Variants in TNRC6B observed in about 807,000 individuals in gnomAD.
TNRC6B encodes the protein trinucleotide repeat containing adaptor 6B.
In TNRC6B, 52 loss-of-function variants were observed where a neutral mutation model predicts 203.6. The observed-to-expected ratio is 0.26, with a 90% confidence interval of 0.20 to 0.32. The LOEUF is 0.32. Ranked by LOEUF, TNRC6B falls within the 10% of genes least tolerant of loss-of-function variation. TNRC6B has a pLI of 1.00. For synonymous variants in TNRC6B, 838 were observed against 845.7 expected, an observed-to-expected ratio of 0.99 and a Z score of 0.16; for missense variants, 1,923 against 2,286.2, an observed-to-expected ratio of 0.84 and a Z score of 3.24.
At chr22:40,165,518 A>T (rs960461293) in intron 4 of TNRC6B, among the ~76,000 whole-genome samples, 3 of 152,210 alleles carry the variant, frequency 2.0e-5, no homozygotes. Context: ...GTTCCAACAG[A>T]CCTGATTTTA....
chr22:40,057,454 C>T (rs953513061), intron 1 of TNRC6B, among the ~76,000 whole-genome samples: 3 of 151,836 alleles, frequency 2.0e-5, no homozygotes, highest in South Asian at 2.1e-4. Context: ...CCACCACGCC[C>T]GGCTAATTTT....
At chr22:40,314,959 A>C (rs1387864710) in intron 19 of TNRC6B, among the ~76,000 whole-genome samples, 2 of 152,212 alleles carry the variant, frequency 1.3e-5, no homozygotes, top group African/African-American at 4.8e-5. Context: ...AGAAGCTGGT[A>C]TCTTTAGGAA....
At chr22:40,238,037 C>G (rs1211420273) in intron 1 of TNRC6B, among the ~76,000 whole-genome samples, 1 of 152,124 alleles carries the variant, frequency 6.6e-6, no homozygotes, top group African/African-American at 2.4e-5. Flanking sequence ...TGTTTTGAGG[C>G]TGTTCTTTAA....
chr22:40,090,373 T>A (rs1260475763), intron 1 of TNRC6B, among the ~76,000 whole-genome samples: 1 of 151,524 alleles, frequency 6.6e-6, no homozygotes, highest in Non-Finnish European at 1.5e-5. Flanking sequence ...ATTTTGGGCA[T>A]CTAATGGGTG....
At chr22:40,299,935 C>T (rs1272839172) in intron 12 of TNRC6B, among the ~76,000 whole-genome samples, 1 of 152,236 alleles carries the variant, frequency 6.6e-6, no homozygotes, top group Non-Finnish European at 1.5e-5. Context: ...AGTGACCTTC[C>T]AGGCTCTTTG....
chr22:40,279,117 G>A (rs1010891653), intron 9 of TNRC6B, among the ~76,000 whole-genome samples: 1 of 152,148 alleles, frequency 6.6e-6, no homozygotes, highest in African/African-American at 2.4e-5. Context: ...TGCCAGATGT[G>A]GCCCTCAAGT....
intron 1 of TNRC6B, among the ~76,000 whole-genome samples, chr22:40,192,146 G>A (rs1319573105): frequency 2.0e-5 from 3 of 152,224 alleles, no homozygotes; most frequent in Admixed American, 6.5e-5. Context: ...ATCCAGCTGT[G>A]ATTATAGGTG....
At chr22:40,315,584 A>G in intron 20 of TNRC6B, 77 bp downstream of exon 20, 1 of 1,455,530 alleles carries the variant, frequency 6.9e-7, no homozygotes, top group Admixed American at 2.0e-5. Context: ...TGAAGACACA[A>G]AGAGGTCTTC....
Position 40,121,431 on chromosome 22 carries a change from T to G in TNRC6B, c.-47+4303T>G, listed in dbSNP as rs181363141. Among the ~76,000 whole-genome samples the G allele has an allele frequency of 1.7e-3, 254 of 152,346 alleles. 4 individuals carry two copies. Among genetic ancestry groups the G allele is most frequent in the South Asian group, 1.2e-3 (6 of 4,828 alleles). ...CGAGTAATTGTTCCACTTTCTGATGTCTAAAAGGCCTGTAGGAAGAAAGTC... is the reference window on the plus strand; with the variant it reads ...CGAGTAATTGTTCCACTTTCTGATGGCTAAAAGGCCTGTAGGAAGAAAGTC... On this transcript the variant is annotated intron_variant, in intron 2 of 23. Coordinates refer to the TNRC6B transcript ENST00000301923.
chr22:40,092,328 G>A (rs2068156953), intron 1 of TNRC6B, among the ~76,000 whole-genome samples: 1 of 151,734 alleles, frequency 6.6e-6, no homozygotes, highest in Non-Finnish European at 1.5e-5. Context: ...ATTTGAACCT[G>A]GGAGGCAGAG....
intron 1 of TNRC6B, among the ~76,000 whole-genome samples, chr22:40,206,525 A>G (rs1239388581): frequency 6.6e-6 from 1 of 152,264 alleles, no homozygotes; most frequent in African/African-American, 2.4e-5. Flanking sequence ...TTGAATTGGT[A>G]TATAAATTCA....
chr22:40,083,611 G>T (rs2068078320), intron 1 of TNRC6B, among the ~76,000 whole-genome samples: 4 of 152,066 alleles, frequency 2.6e-5, no homozygotes, highest in Admixed American at 2.6e-4. Context: ...TATGCACGTG[G>T]GGGTGATCCA....
intron 3 of TNRC6B, among the ~76,000 whole-genome samples, chr22:40,143,748 G>A (rs1418445815): frequency 2.0e-5 from 3 of 152,164 alleles, no homozygotes; most frequent in Non-Finnish European, 2.9e-5. Flanking sequence ...CGCCCGCCTT[G>A]GCCACCCAAA....
intron 1 of TNRC6B, among the ~76,000 whole-genome samples, chr22:40,200,566 G>A (rs537561417): frequency 3.2e-4 from 49 of 151,992 alleles, no homozygotes; most frequent in Admixed American, 2.8e-3. Flanking sequence ...GGGATTACAG[G>A]CGTGAGCCAC....
intron 1 of TNRC6B, among the ~76,000 whole-genome samples, chr22:40,089,692 T>G (rs951290269): frequency 1.3e-5 from 2 of 152,216 alleles, no homozygotes; most frequent in Non-Finnish European, 2.9e-5. Context: ...GAACTTATGT[T>G]GGTACACCAT....
chr22:40,110,122 G>A (rs1459530185), intron 1 of TNRC6B, among the ~76,000 whole-genome samples: 2 of 152,150 alleles, frequency 1.3e-5, no homozygotes, highest in Non-Finnish European at 2.9e-5. Flanking sequence ...GGTCACAAAA[G>A]TTAACATGTT....
chr22:40,168,453 A>C (rs573494955), intron 4 of TNRC6B, among the ~76,000 whole-genome samples: 1 of 152,304 alleles, frequency 6.6e-6, no homozygotes, highest in South Asian at 2.1e-4. Flanking sequence ...CTCAGCCTGG[A>C]GTGTCAAGAA....
intron 21 of TNRC6B, 96 bp downstream of exon 21, chr22:40,316,108 A>C: frequency 8.7e-7 from 1 of 1,153,434 alleles, no homozygotes; most frequent in Non-Finnish European, 1.3e-6. Context: ...TAATCCAAGC[A>C]CTTTGGGAGG....
chr22:40,080,283 C>T (rs894599849), intron 1 of TNRC6B, among the ~76,000 whole-genome samples: 1 of 151,360 alleles, frequency 6.6e-6, no homozygotes, highest in African/African-American at 2.4e-5. Flanking sequence ...GTCCCTAGGG[C>T]ATTGTATTGC....
Sources: allele counts gnomAD v4.1 joint callset (sites outside exome capture counted in the v4.1 genomes callset), GRCh38; gene constraint gnomAD v4.1.1; transcripts MANE v1.5; gene names NCBI Gene and HGNC (gene_info 2026-07-23, HGNC 2026-07-21).